GLS2: variants seen among roughly 807,000 people sequenced by gnomAD.
GLS2 encodes glutaminase 2.
GLS2 carries 52 observed loss-of-function variants against 79.0 expected under a neutral mutation model. That is an observed-to-expected ratio of 0.66 (90% CI 0.53 to 0.83). GLS2 has a LOEUF of 0.83. Among genes scored for constraint, GLS2 ranks in the 40% least tolerant of loss-of-function variants. The pLI, the probability that GLS2 is intolerant of heterozygous loss-of-function variation, is 0.00. For synonymous variants in GLS2, 238 were observed against 280.8 expected, an observed-to-expected ratio of 0.85 and a Z score of 1.52; for missense variants, 561 against 764.8, an observed-to-expected ratio of 0.73 and a Z score of 3.14.
rs969577347 is a variant in GLS2 at position 56,471,052 on chromosome 12, A to G, written c.*435T>C. On this transcript the variant is annotated 3_prime_UTR_variant, in exon 18 of 18. Coordinates refer to ENST00000311966, the MANE Select transcript of GLS2 (RefSeq NM_013267.4). ...AGCATGTCCTGGCCAAGGGGAGTAG[A>G]TTTCTCCAGACTACTAAAGCCATGT... is the stretch of plus-strand genomic sequence containing the variant. The G allele has an allele frequency of 1.4e-5, 4 of 285,682 alleles. No homozygotes were observed. The highest frequency in any genetic ancestry group is 2.6e-5 in the Non-Finnish European group (4 of 154,706). 17.7% of individuals were successfully genotyped at this position (285,682 alleles called of 1,614,324 possible). A position where few individuals can be genotyped will look rare whatever the true frequency, so the allele number is the denominator to read the frequency against.
At chr12:56,482,701 C>G (rs768170191) in intron 1 of GLS2, among the ~76,000 whole-genome samples, 4 of 152,182 alleles carry the variant, frequency 2.6e-5, no homozygotes, top group Non-Finnish European at 4.4e-5. Context: ...CCTAAAATTC[C>G]AGGTACTGAA....
At position 56,475,683 on chromosome 12, in the gene GLS2, C is replaced by T; in HGVS notation, c.871-1G>A. ...CCATTTTGTTGAGATACTGCAACAC[C>T]TGGAAGAGAAAAAGGGACATTGAGG... On this transcript the variant is annotated splice_acceptor_variant, in intron 8 of 17. Coordinates refer to ENST00000311966, the MANE Select transcript of GLS2 (RefSeq NM_013267.4). LOFTEE classifies it high-confidence loss of function. The T allele has an allele frequency of 6.2e-7, 1 of 1,614,102 alleles. No homozygotes were observed. The highest frequency in any genetic ancestry group is 8.5e-7 in the Non-Finnish European group (1 of 1,179,996).
At chr12:56,471,975 A>T in intron 16 of GLS2, 139 bp from the exon 17 acceptor site, 2 of 1,258,576 alleles carry the variant, frequency 1.6e-6, no homozygotes, top group Non-Finnish European at 1.2e-6. Context: ...ACTCAGTCAT[A>T]GTCTAGCTGC....
In GLS2 at chr12:56,471,245, C is replaced by T; in HGVS notation, c.*242G>A. 2.0e-6 allele frequency: 1 copy of T among 490,938 alleles called. No individual in the cohort carries two copies. The highest frequency in any genetic ancestry group is 4.5e-5 in the South Asian group (1 of 22,182). The allele number at this position is 490,938 out of a possible 1,614,324, so 30.4% of individuals were successfully genotyped here. ...AGTGGGGCAAGCCATTAGGCTGTACCTTGAAGCCCAGTCTCTCTGGATAGC... is the reference window on the plus strand; with the variant it reads ...AGTGGGGCAAGCCATTAGGCTGTACTTTGAAGCCCAGTCTCTCTGGATAGC... On this transcript the variant is annotated 3_prime_UTR_variant, in exon 18 of 18. Transcript: ENST00000311966.
At position 56,481,229 on chromosome 12, in the gene GLS2, G is replaced by A. The variant is rs533984108; in HGVS notation, c.183-842C>T. 3.1e-3 allele frequency among the ~76,000 whole-genome samples: 322 copies of A among 102,996 alleles called. 1 individual carries two copies. Among genetic ancestry groups the A allele is most frequent in the Middle Eastern group, 9.8e-3 (1 of 102 alleles). The allele number at this position is 102,996 out of a possible 152,430, so 67.6% of individuals were successfully genotyped here. A position where few individuals can be genotyped will look rare whatever the true frequency, so the allele number is the denominator to read the frequency against. On this transcript the variant is annotated intron_variant, in intron 1 of 17. Coordinates refer to ENST00000311966, the MANE Select transcript of GLS2 (RefSeq NM_013267.4). ...TTTTTTTTTTTTTTTTTTTTGAGACGGAGTCTGGTTCTGTCGCCCAGGCTG... is the reference window on the plus strand; with the variant it reads ...TTTTTTTTTTTTTTTTTTTTGAGACAGAGTCTGGTTCTGTCGCCCAGGCTG...
rs765344135 is a variant in GLS2 at position 56,479,103 on chromosome 12, C to T, written c.483G>A (p.Thr161=). 8 of 1,613,884 alleles carry T rather than the reference C, an allele frequency of 5.0e-6. No homozygotes were observed. The highest frequency in any genetic ancestry group is 4.0e-5 in the African/African-American group (3 of 74,866). ...KFVIPDFEEF[T]GHVDRIFEDV... ...CCTCAAAGATGCGATCCACATGGCCCGTGAACTCCTCAAAATCAGGAATGA... is the reference window on the plus strand; with the variant it reads ...CCTCAAAGATGCGATCCACATGGCCTGTGAACTCCTCAAAATCAGGAATGA... The change falls in exon 4 of 18, where the codon ACG becomes ACA. Residue 161 remains threonine (T), a synonymous_variant. Coordinates refer to ENST00000311966, the MANE Select transcript of GLS2 (RefSeq NM_013267.4).
At chr12:56,475,253 G>C (rs1869703623) in intron 9 of GLS2, 143 bp from the exon 10 acceptor site, 16 of 1,571,148 alleles carry the variant, frequency 1.0e-5, no homozygotes, top group Admixed American at 3.7e-5. Context: ...AGTAATATTA[G>C]AGGAAATTTC....
At chr12:56,476,068 T>G (rs1274685741) in intron 7 of GLS2, 91 bp from the exon 8 acceptor site, 8 of 1,265,194 alleles carry the variant, frequency 6.3e-6, no homozygotes, top group Non-Finnish European at 9.1e-6. Flanking sequence ...CTAGTGTTAG[T>G]CTGGTCCTGC....
At chr12:56,484,091 G>C (rs1018704656) in intron 1 of GLS2, among the ~76,000 whole-genome samples, 1 of 152,114 alleles carries the variant, frequency 6.6e-6, no homozygotes, top group Non-Finnish European at 1.5e-5. Flanking sequence ...CCAACATGGT[G>C]AAACCCCATC....
intron 6 of GLS2, 23 bp from the exon 7 acceptor site, chr12:56,477,741 G>T (rs1170754442): frequency 6.2e-7 from 1 of 1,607,538 alleles, no homozygotes; most frequent in Non-Finnish European, 8.5e-7. Flanking sequence ...AAACCACCAA[G>T]AGTCTTAGCC....
intron 12 of GLS2, 187 bp downstream of exon 12, chr12:56,474,357 C>T: frequency 1.4e-6 from 1 of 692,992 alleles, no homozygotes; most frequent in South Asian, 1.9e-5. Context: ...CCAAAGACAT[C>T]TCTTTATATA....
chr12:56,475,863 G>T, intron 8 of GLS2, 82 bp downstream of exon 8: 2 of 1,504,190 alleles, frequency 1.3e-6, no homozygotes, highest in Middle Eastern at 1.7e-4. Flanking sequence ...TGGTAGTGGG[G>T]TTAGAGAGCC....
intron 6 of GLS2, 48 bp downstream of exon 6, chr12:56,477,885 G>A (rs1462239395): frequency 6.3e-7 from 1 of 1,586,210 alleles, no homozygotes; most frequent in African/African-American, 1.3e-5. Context: ...GTGGGGATAA[G>A]GAGAAGGGGA....
rs1365740044 is a variant in GLS2, at chr12:56,475,313, C to T, written c.930-203G>A. On this transcript the variant is annotated intron_variant, in intron 9 of 17. Transcript: ENST00000311966. ...AGTTTTGTTATAAAGTAAACCCAAA[C>T]CAAACACCCCAAACTGTCTAGTCAT... The T allele has an allele frequency of 3.0e-6, 4 of 1,312,000 alleles. No individual in the cohort carries two copies. In the East Asian group the frequency reaches 1.0e-4, roughly 33 times the overall value. The allele number at this position is 1,312,000 out of a possible 1,614,324, so 81.3% of individuals were successfully genotyped here. A position where few individuals can be genotyped will look rare whatever the true frequency, so the allele number is the denominator to read the frequency against.
Position 56,471,657 on chromosome 12 carries a change from T to G in GLS2, c.1653-14A>C. On this transcript the variant is annotated splice_polypyrimidine_tract_variant and intron_variant, in intron 17 of 17. Transcript: ENST00000311966. Reference sequence around the variant, plus strand: ...ATGTTGCCCCACCTGAGAGGAATAATGATATGATCAGGCAAAGGAGACGTG... The same window carrying G: ...ATGTTGCCCCACCTGAGAGGAATAAGGATATGATCAGGCAAAGGAGACGTG... 6.2e-7 allele frequency: 1 copy of G among 1,613,852 alleles called. No individual in the cohort carries two copies. Among genetic ancestry groups the G allele is most frequent in the Non-Finnish European group, 8.5e-7 (1 of 1,179,816 alleles).
rs374881663 is a variant in GLS2, at chr12:56,478,260, C to T, written c.537G>A (p.Val179=). Residue 179 remains valine, a splice_region_variant and synonymous_variant, in exon 5 of 18, where the codon GTG becomes GTA. Transcript: ENST00000311966. ...TGGCCAGCTGAGGGATGTAGGCTGC[C>T]ACCTGGACATGAGTGGGTAGAGAAA... The part of the protein sequence containing the change: ...EDVKELTGGK[V]AAYIPQLAKS... 1.2e-6 allele frequency: 2 copies of T among 1,614,010 alleles called. No individual in the cohort carries two copies. Among genetic ancestry groups the T allele is most frequent in the African/African-American group, 2.7e-5 (2 of 74,904 alleles).
At chr12:56,485,256 AACTT>A (rs969924353) in intron 1 of GLS2, among the ~76,000 whole-genome samples, 4 of 151,968 alleles carry the variant, frequency 2.6e-5, no homozygotes, top group Admixed American at 2.6e-4. Context: ...TTAAGTAATA[AACTT>A]ATTTATTTAT....
At chr12:56,483,560 T>C (rs1224011274) in intron 1 of GLS2, among the ~76,000 whole-genome samples, 5 of 152,112 alleles carry the variant, frequency 3.3e-5, no homozygotes, top group Admixed American at 6.5e-5. Context: ...AAAAGAAGCG[T>C]GCTGTAGAAC....
At position 56,477,923 on chromosome 12, in the gene GLS2, T is replaced by G. The variant is rs760111725; in HGVS notation, c.778+10A>C. ...GCTGTAAGTACGGTCTGAGCCTTGG[T>G]AGTGCTCACCTTCCTCATTGAGGGA... On this transcript the variant is annotated intron_variant, in intron 6 of 17. Transcript: ENST00000311966. 1 of 1,610,504 alleles carries G rather than the reference T, an allele frequency of 6.2e-7. No homozygotes were observed. The highest frequency in any genetic ancestry group is 8.5e-7 in the Non-Finnish European group (1 of 1,177,960).
Sources: gnomAD v4.1 joint callset for allele counts (sites outside exome capture counted in the v4.1 genomes callset) on GRCh38, gnomAD v4.1.1 for gene constraint, MANE v1.5 for transcripts, NCBI Gene and HGNC (gene_info 2026-07-23, HGNC 2026-07-21) for gene names.